Variants in TRIM67 observed in about 807,000 individuals in gnomAD.
The protein encoded by TRIM67 is tripartite motif-containing protein 67.
TRIM67 carries 39 observed loss-of-function variants against 71.0 expected under a neutral mutation model. The ratio of observed to expected loss-of-function variants is 0.55; its 90% confidence interval spans 0.43 to 0.72. The LOEUF is 0.72. Ranked by LOEUF, TRIM67 falls within the 30% of genes least tolerant of loss-of-function variation. The probability of loss-of-function intolerance (pLI) is 0.00; values close to 1 mark genes in which losing one functional copy is unlikely to be tolerated. For synonymous variants in TRIM67, 481 were observed against 473.9 expected (o/e 1.01, Z -0.19); for missense variants, 973 against 1,079.2 (o/e 0.90, Z 1.38).
chr1:231,189,418 C>T (rs1019689311), intron 1 of TRIM67, among the ~76,000 whole-genome samples: 3 of 152,112 alleles, frequency 2.0e-5, no homozygotes, highest in Non-Finnish European at 2.9e-5. Context: ...CTGCTTTAAC[C>T]TCACAATCAT....
intron 1 of TRIM67, among the ~76,000 whole-genome samples, chr1:231,174,212 G>T (rs1682686835): frequency 6.9e-6 from 1 of 143,960 alleles, no homozygotes; most frequent in Admixed American, 7.1e-5. Flanking sequence ...AGGCTGTAGT[G>T]CAGTGGCACA....
chr1:231,162,756 G>A lies in TRIM67; in HGVS notation c.-214G>A, dbSNP rs971270031. 19 of 602,938 alleles carry A rather than the reference G, an allele frequency of 3.2e-5. No homozygotes were observed. The African/African-American group carries it at 3.6e-4, about 11-fold the overall frequency. 37.3% of individuals were successfully genotyped at this position (602,938 alleles called of 1,614,324 possible). On this transcript the variant is annotated 5_prime_UTR_variant, in exon 1 of 10. Coordinates refer to ENST00000366653, the MANE Select transcript of TRIM67 (RefSeq NM_001004342.5). ...TGCGGGACCCTCGGGCAGGAGGTGA[G>A]GACCCCCTCCCTTCTCTCGCCCCTC...
At chr1:231,206,091 G>A (rs1032627423) in intron 6 of TRIM67, among the ~76,000 whole-genome samples, 4 of 152,152 alleles carry the variant, frequency 2.6e-5, no homozygotes, top group African/African-American at 9.7e-5. Flanking sequence ...ATGACTGAAT[G>A]TAATTTCCCT....
chr1:231,187,898 G>A (rs746402983), intron 1 of TRIM67, among the ~76,000 whole-genome samples: 1 of 152,196 alleles, frequency 6.6e-6, no homozygotes, highest in Non-Finnish European at 1.5e-5. Flanking sequence ...TGAAAGCTTG[G>A]CTGATGGGAA....
chr1:231,164,514 G>A (rs960495348), intron 1 of TRIM67, among the ~76,000 whole-genome samples: 1 of 152,150 alleles, frequency 6.6e-6, no homozygotes, highest in Non-Finnish European at 1.5e-5. Context: ...ACTAGAGTTG[G>A]TTTTTCTAAC....
Position 231,204,162 on chromosome 1 carries a change from G to A in TRIM67, c.1680+150G>A, listed in dbSNP as rs561879745. On this transcript the variant is annotated intron_variant, in intron 6 of 9. Coordinates refer to ENST00000366653, the MANE Select transcript of TRIM67 (RefSeq NM_001004342.5). Reference sequence around the variant, plus strand: ...GGCCAAAAGGATAAAGAAGGCTGGCGGAGATGGGGCTTCCCTCCCAAGGGC... The same window carrying A: ...GGCCAAAAGGATAAAGAAGGCTGGCAGAGATGGGGCTTCCCTCCCAAGGGC... 106 of 1,236,366 alleles carry A rather than the reference G, an allele frequency of 8.6e-5. No individual in the cohort carries two copies. The African/African-American group carries it at 1.2e-3, about 14-fold the overall frequency. The allele number at this position is 1,236,366 out of a possible 1,614,324, so 76.6% of individuals were successfully genotyped here. A position where few individuals can be genotyped will look rare whatever the true frequency, so the allele number is the denominator to read the frequency against.
chr1:231,163,351 C>T lies in TRIM67; in HGVS notation c.382C>T (p.Leu128=), dbSNP rs1204408863. Residue 128 remains leucine (L), a synonymous_variant, in exon 1 of 10, where the codon CTG becomes TTG. Coordinates refer to ENST00000366653, the MANE Select transcript of TRIM67 (RefSeq NM_001004342.5). ...CAAGTCCCCCAACGGGGTTCGCGTG[C>T]TGCCCATGGTGCCCGCACCACCCGG... is the stretch of plus-strand genomic sequence containing the variant. The part of the protein sequence containing the change: ...SLKSPNGVRV[L]PMVPAPPGSS... The T allele has an allele frequency of 3.3e-6, 5 of 1,530,112 alleles. No homozygotes were observed. The highest frequency in any genetic ancestry group is 4.4e-6 in the Non-Finnish European group (5 of 1,138,636). The allele number at this position is 1,530,112 out of a possible 1,614,324, so 94.8% of individuals were successfully genotyped here.
chr1:231,198,194 T>C (rs548118534), intron 2 of TRIM67, among the ~76,000 whole-genome samples: 85 of 152,332 alleles, frequency 5.6e-4, no homozygotes, highest in African/African-American at 1.9e-3. Context: ...CAAATGTGTT[T>C]ACTGAACTCT....
At chr1:231,214,894 G>A (rs111486089) in intron 9 of TRIM67, among the ~76,000 whole-genome samples, 4 of 152,096 alleles carry the variant, frequency 2.6e-5, no homozygotes, top group African/African-American at 9.6e-5. Context: ...GAGCCCAGAA[G>A]TTTGAGACCA....
chr1:231,186,145 C>G, intron 1 of TRIM67: 1 of 1,531,718 alleles, frequency 6.5e-7, no homozygotes, highest in Non-Finnish European at 8.7e-7. Flanking sequence ...AAGGGCTTGA[C>G]AGCCAGGCTG....
chr1:231,180,501 T>C (rs1682870764), intron 1 of TRIM67, among the ~76,000 whole-genome samples: 1 of 152,188 alleles, frequency 6.6e-6, no homozygotes, highest in African/African-American at 2.4e-5. Flanking sequence ...CTCCCTCTCC[T>C]GCACCCCCCT....
chr1:231,176,951 G>A (rs557904381), intron 1 of TRIM67, among the ~76,000 whole-genome samples: 28 of 135,212 alleles, frequency 2.1e-4, no homozygotes, highest in Non-Finnish European at 2.4e-4. Context: ...AATTTGCTCA[G>A]CTAAGTTAAG....
At chr1:231,170,925 C>G (rs1442694531) in intron 1 of TRIM67, among the ~76,000 whole-genome samples, 1 of 152,148 alleles carries the variant, frequency 6.6e-6, no homozygotes, top group Admixed American at 6.5e-5. Context: ...GGGCCTCCAC[C>G]CTGCAGCATC....
rs186891987 is a variant in TRIM67 at position 231,178,865 on chromosome 1, A to G, written c.1044+14852A>G. On this transcript the variant is annotated intron_variant, in intron 1 of 9. Transcript: ENST00000366653. The stretch of plus-strand genomic sequence containing the variant: ...CAGATGAGGTTAGTAAAAGGTTCCT[A>G]TTACACCTTCGGGGCACTCAGTTTA... Among the ~76,000 whole-genome samples the G allele has an allele frequency of 3.9e-5, 6 of 152,336 alleles. No individual in the cohort carries two copies. The East Asian group carries it at 1.2e-3, about 29-fold the overall frequency.
chr1:231,192,747 C>G (rs1230216513), intron 1 of TRIM67, among the ~76,000 whole-genome samples: 1 of 152,246 alleles, frequency 6.6e-6, no homozygotes, highest in Admixed American at 6.5e-5. Flanking sequence ...CGTGGCTGAG[C>G]ACATGGCAGG....
intron 1 of TRIM67, chr1:231,184,793 C>T (rs1236018694): frequency 3.5e-6 from 2 of 571,128 alleles, no homozygotes; most frequent in African/African-American, 3.8e-5. Context: ...GAACCCAGGG[C>T]CTTCCATGCA....
At chr1:231,174,546 T>C (rs1217558239) in intron 1 of TRIM67, among the ~76,000 whole-genome samples, 1 of 152,126 alleles carries the variant, frequency 6.6e-6, no homozygotes, top group East Asian at 1.9e-4. Context: ...TCTATTGACT[T>C]CCATTTCACT....
chr1:231,191,920 T>A (rs12563076), intron 1 of TRIM67, among the ~76,000 whole-genome samples: 8,918 of 152,166 alleles, frequency 0.059, 457 homozygotes, highest in East Asian at 0.24. Context: ...GCTGCCTACC[T>A]TGTGGCACTC....
chr1:231,213,332 C>G (rs1683922989), intron 8 of TRIM67, among the ~76,000 whole-genome samples: 1 of 152,164 alleles, frequency 6.6e-6, no homozygotes, highest in Non-Finnish European at 1.5e-5. Flanking sequence ...GGCCTGTTAA[C>G]AAGGTGTGTC....
Sources: allele counts gnomAD v4.1 joint callset (sites outside exome capture counted in the v4.1 genomes callset), GRCh38; gene constraint gnomAD v4.1.1; transcripts MANE v1.5; gene names NCBI Gene and HGNC (gene_info 2026-07-23, HGNC 2026-07-21).